RTTN: variants seen among roughly 807,000 people sequenced by gnomAD.
RTTN encodes rotatin.
A neutral mutation model predicts 269.2 loss-of-function variants in RTTN; 182 were observed. The ratio of observed to expected loss-of-function variants is 0.68; its 90% CI spans 0.60 to 0.76. The LOEUF is 0.76. RTTN is among the 30% of genes least tolerant of loss of function. The pLI is 0.00. For synonymous variants in RTTN, 1,006 were observed against 963.5 expected (o/e 1.04, Z -0.82); for missense variants, 2,545 against 2,608.6 (o/e 0.98, Z 0.53).
chr18:70,100,843 T>G (rs1308619156), intron 28 of RTTN, among the ~76,000 whole-genome samples: 2 of 152,140 alleles, frequency 1.3e-5, no homozygotes, highest in East Asian at 3.9e-4. Context: ...ATCATGTGGT[T>G]TTTGTCTTTG....
At chr18:70,164,239 TA>T (rs71178855) in intron 14 of RTTN, among the ~76,000 whole-genome samples, 121,786 of 149,202 alleles carry the variant, frequency 0.82, 52,784 homozygotes, top group East Asian at 1. Context: ...AGAAATGAAG[TA>T]CTCACTCTGT....
intron 10 of RTTN, among the ~76,000 whole-genome samples, chr18:70,177,059 A>G (rs2061320920): frequency 6.6e-6 from 1 of 152,246 alleles, no homozygotes; most frequent in South Asian, 2.1e-4. Flanking sequence ...TAAAAATACA[A>G]TAATCTTTTA....
chr18:70,057,664 G>A (rs2057856931), intron 37 of RTTN, 78 bp downstream of exon 37: 3 of 988,140 alleles, frequency 3.0e-6, no homozygotes, highest in African/African-American at 1.6e-5. Flanking sequence ...CTTTTCCTAT[G>A]ACTAGTATCT....
At chr18:70,135,509 G>T (rs898595413) in intron 21 of RTTN, among the ~76,000 whole-genome samples, 5 of 152,224 alleles carry the variant, frequency 3.3e-5, no homozygotes, top group Admixed American at 2.6e-4. Context: ...CTGTGAATGT[G>T]AATTTCTAAT....
chr18:70,099,771 A>G (rs1032665148), intron 28 of RTTN, among the ~76,000 whole-genome samples: 2 of 152,224 alleles, frequency 1.3e-5, no homozygotes, highest in Non-Finnish European at 2.9e-5. Flanking sequence ...GGTGTAAGGA[A>G]GGGATCCAGT....
chr18:70,043,142 C>T (rs193188063), intron 40 of RTTN, among the ~76,000 whole-genome samples: 9 of 152,272 alleles, frequency 5.9e-5, no homozygotes, highest in Admixed American at 3.3e-4. Context: ...AAAGATGAAG[C>T]GATGAAGTTC....
intron 44 of RTTN, among the ~76,000 whole-genome samples, chr18:70,023,183 C>T (rs1182947091): frequency 6.6e-6 from 1 of 152,156 alleles, no homozygotes; most frequent in Non-Finnish European, 1.5e-5. Flanking sequence ...ACACTGGATC[C>T]TCTATCCCAG....
At chr18:70,035,071 G>A (rs1367006970) in intron 40 of RTTN, among the ~76,000 whole-genome samples, 4 of 152,118 alleles carry the variant, frequency 2.6e-5, no homozygotes, top group Non-Finnish European at 5.9e-5. Context: ...GTGGTGACAC[G>A]AATGAATGGA....
At chr18:70,084,039 C>A (rs1395101834) in intron 32 of RTTN, among the ~76,000 whole-genome samples, 1 of 151,752 alleles carries the variant, frequency 6.6e-6, no homozygotes. Context: ...TTACTATTCA[C>A]AAGTACAACA....
In RTTN at chr18:70,075,419, T is replaced by G; in HGVS notation, c.4497A>C (p.Leu1499=). Residue 1499 remains leucine (L), a synonymous_variant, in exon 33 of 49, where the codon CTA becomes CTC. Transcript: ENST00000640769. Reference sequence around the variant, plus strand: ...AATTCAAATCAAACATACACCGTCCTAGGTAACAATGCTTTACCATCTGAT... The same window carrying G: ...AATTCAAATCAAACATACACCGTCCGAGGTAACAATGCTTTACCATCTGAT... ...HLNQMVKHCY[L]GRCMFDLNFS... is the part of the protein sequence containing the mutation. 6.2e-7 allele frequency: 1 copy of G among 1,607,750 alleles called. No individual in the cohort carries two copies. Among genetic ancestry groups the G allele is most frequent in the East Asian group, 2.2e-5 (1 of 44,682 alleles).
chr18:70,116,686 T>C (rs1599631466), intron 26 of RTTN, among the ~76,000 whole-genome samples: 1 of 152,110 alleles, frequency 6.6e-6, no homozygotes, highest in Non-Finnish European at 1.5e-5. Context: ...CAACCATTTC[T>C]ATAATGATGG....
At chr18:70,016,564 C>T (rs2145495943) in intron 46 of RTTN, among the ~76,000 whole-genome samples, 1 of 152,314 alleles carries the variant, frequency 6.6e-6, no homozygotes, top group Non-Finnish European at 1.5e-5. Flanking sequence ...ATAAAACTCA[C>T]TCCCCACGAA....
At chr18:70,171,023 A>G (rs1011849983) in intron 11 of RTTN, among the ~76,000 whole-genome samples, 2 of 151,480 alleles carry the variant, frequency 1.3e-5, no homozygotes, top group African/African-American at 2.5e-5. Context: ...GAAACAAAGA[A>G]TGAAGTTTGG....
In RTTN at chr18:70,028,068, T is replaced by C. The variant is rs994740331; in HGVS notation, c.5823+656A>G. Among the ~76,000 whole-genome samples the C allele has an allele frequency of 2.6e-5, 4 of 152,304 alleles. No individual in the cohort carries two copies. The East Asian group carries it at 5.8e-4, about 22-fold the overall frequency. ...CCAGCTTTTATAAAGAATAATCTAGTATTTCTGCATTAAAGCATCAATCTA... is the reference window on the plus strand; with the variant it reads ...CCAGCTTTTATAAAGAATAATCTAGCATTTCTGCATTAAAGCATCAATCTA... On this transcript the variant is annotated intron_variant, in intron 43 of 48. Transcript: ENST00000640769.
Position 70,004,228 on chromosome 18 carries a change from T to A in RTTN, c.6604A>T (p.Asn2202Tyr), listed in dbSNP as rs1163986942. Residue 2202 changes from asparagine to tyrosine, a missense_variant, in exon 49 of 49, where the codon AAC (asparagine) becomes TAC (tyrosine). Coordinates refer to ENST00000640769, the MANE Select transcript of RTTN (RefSeq NM_173630.4). ...AYSLAKKTFP[N>Y]SEANPLNAYY... ...GCATTTAGAGGGTTTGCTTCTGAGT[T>A]TGGGAAAGCTGAGATAGAAAAATAA... 6.2e-7 allele frequency: 1 copy of A among 1,612,778 alleles called. No individual in the cohort carries two copies. Among genetic ancestry groups the A allele is most frequent in the South Asian group, 1.1e-5 (1 of 91,038 alleles).
chr18:70,193,060 T>C (rs2061716531), intron 8 of RTTN: 3 of 465,466 alleles, frequency 6.4e-6, no homozygotes, highest in Non-Finnish European at 1.1e-5. Flanking sequence ...AGAGCATATG[T>C]TCAAGTACTG....
chr18:70,013,206 C>A (rs955833551), intron 46 of RTTN, among the ~76,000 whole-genome samples: 1 of 152,132 alleles, frequency 6.6e-6, no homozygotes, highest in Non-Finnish European at 1.5e-5. Context: ...CATCAAATGT[C>A]CCCTTATTAA....
chr18:70,018,826 CTTTTTTTTTTTTT>C (rs5825984), intron 45 of RTTN, among the ~76,000 whole-genome samples: 1 of 48,984 alleles, frequency 2.0e-5, no homozygotes, highest in African/African-American at 6.1e-5. Flanking sequence ...GTGGGCACTC[CTTTTTTTTTTTTT>C]TTTTTTTTTT....
intron 26 of RTTN, among the ~76,000 whole-genome samples, chr18:70,115,532 AT>A (rs2059583298): frequency 2.0e-5 from 3 of 148,992 alleles, no homozygotes; most frequent in African/African-American, 7.3e-5. Context: ...AAAAAAAAAG[AT>A]AGTAAGATTT....
Sources: allele counts gnomAD v4.1 joint callset (sites outside exome capture counted in the v4.1 genomes callset), GRCh38; gene constraint gnomAD v4.1.1; transcripts MANE v1.5; gene names NCBI Gene and HGNC (gene_info 2026-07-23, HGNC 2026-07-21).